The following COG6 variants were observed in gnomAD, a reference collection of about 807,000 sequenced individuals.
COG6 encodes the protein component of oligomeric golgi complex 6.
Under a neutral mutation model 88.8 loss-of-function variants are expected in COG6, and 74 were observed. The ratio of observed to expected loss-of-function variants is 0.83; its 90% CI spans 0.69 to 1.01. The LOEUF (loss-of-function observed/expected upper bound fraction) is 1.01. Ranked by LOEUF, COG6 falls within the 50% of genes least tolerant of loss-of-function variation. The probability of loss-of-function intolerance (pLI) is 0.00; values close to 1 mark genes in which losing one functional copy is unlikely to be tolerated. For synonymous variants in COG6, 286 were observed against 278.7 expected, an observed-to-expected ratio of 1.03 and a Z score of -0.26; for missense variants, 800 against 797.9, an observed-to-expected ratio of 1.00 and a Z score of -0.03.
chr13:39,757,251 C>T (rs1022926123), downstream of COG6, among the ~76,000 whole-genome samples: 3 of 151,936 alleles, frequency 2.0e-5, no homozygotes, highest in Admixed American at 6.6e-5. Context: ...GAAGAAATCA[C>T]GAAGGAAACT....
chr13:39,705,097 T>C (rs1250903502), intron 13 of COG6, among the ~76,000 whole-genome samples: 3 of 152,200 alleles, frequency 2.0e-5, no homozygotes, highest in Non-Finnish European at 4.4e-5. Flanking sequence ...CTAAAAACAC[T>C]GTAGCTTTAT....
chr13:39,690,663 T>C (rs1172387102), intron 11 of COG6, among the ~76,000 whole-genome samples: 4 of 151,996 alleles, frequency 2.6e-5, no homozygotes, highest in African/African-American at 9.7e-5. Context: ...ATTTTATTTC[T>C]AAGGTTTTTG....
At chr13:39,728,855 G>C (rs1374421268) in intron 18 of COG6, among the ~76,000 whole-genome samples, 2 of 151,906 alleles carry the variant, frequency 1.3e-5, no homozygotes, top group African/African-American at 2.4e-5. Flanking sequence ...AGTAGAGATG[G>C]GGTGTCACCA....
intron 18 of COG6, among the ~76,000 whole-genome samples, chr13:39,770,046 T>C (rs1261882278): frequency 2.0e-5 from 3 of 152,220 alleles, no homozygotes; most frequent in Non-Finnish European, 4.4e-5. Flanking sequence ...ACTCTTTACC[T>C]TATAGTACCA....
intron 18 of COG6, among the ~76,000 whole-genome samples, chr13:39,746,001 C>T (rs1365777995): frequency 2.0e-5 from 3 of 152,018 alleles, no homozygotes; most frequent in African/African-American, 7.3e-5. Flanking sequence ...CCAAACACCA[C>T]GTGTTCTCAC....
At chr13:39,704,012 G>T (rs1326912061) in intron 13 of COG6, among the ~76,000 whole-genome samples, 3 of 152,080 alleles carry the variant, frequency 2.0e-5, no homozygotes, top group African/African-American at 7.2e-5. Flanking sequence ...GGAATTACAG[G>T]TGTGAGCCAT....
chr13:39,733,788 A>G (rs933908869), intron 18 of COG6, among the ~76,000 whole-genome samples: 2 of 152,102 alleles, frequency 1.3e-5, no homozygotes, highest in African/African-American at 4.8e-5. Context: ...CTTTGCTGAG[A>G]CACTTTTTAT....
At chr13:39,765,351 T>A (rs1383470254) in intron 18 of COG6, among the ~76,000 whole-genome samples, 1 of 152,212 alleles carries the variant, frequency 6.6e-6, no homozygotes, top group African/African-American at 2.4e-5. Context: ...TGAGGCCCTA[T>A]TCATATTGTT....
intron 18 of COG6, among the ~76,000 whole-genome samples, chr13:39,742,645 A>G (rs1347404975): frequency 2.6e-5 from 4 of 152,152 alleles, no homozygotes; most frequent in Non-Finnish European, 5.9e-5. Flanking sequence ...ACTCCCACAC[A>G]ATAATAATGG....
intron 18 of COG6, 61 bp from the exon 19 acceptor site, chr13:39,750,885 A>G: frequency 7.5e-7 from 1 of 1,324,808 alleles, no homozygotes; most frequent in Non-Finnish European, 1.1e-6. Context: ...GCTGTCTTAC[A>G]ATTCTTAGTA....
Position 39,670,489 on chromosome 13 carries a change from T to C in COG6, c.428+5335T>C, listed in dbSNP as rs1040788665. On this transcript the variant is annotated intron_variant, in intron 4 of 18. Transcript: ENST00000455146. ...AAACCTTGGGTAAGAGATTATTAGA[T>C]TTTTGATTTTGTACAGTTATTTCTT... Among the ~76,000 whole-genome samples, 3 of 152,038 alleles carry C rather than the reference T, an allele frequency of 2.0e-5. No individual in the cohort carries two copies. The East Asian group carries it at 5.8e-4, about 29-fold the overall frequency.
intron 8 of COG6, among the ~76,000 whole-genome samples, chr13:39,682,682 A>G (rs1302890587): frequency 6.6e-6 from 1 of 152,172 alleles, no homozygotes; most frequent in Non-Finnish European, 1.5e-5. Flanking sequence ...TAATCTGTTA[A>G]TAGGATTTAG....
intron 8 of COG6, among the ~76,000 whole-genome samples, chr13:39,686,345 A>G (rs983584157): frequency 5.9e-5 from 9 of 152,188 alleles, no homozygotes; most frequent in Admixed American, 6.5e-5. Context: ...GGTGGTGATA[A>G]TGGAAAACAA....
intron 18 of COG6, among the ~76,000 whole-genome samples, chr13:39,760,625 A>G (rs573961746): frequency 6.6e-6 from 1 of 152,278 alleles, no homozygotes; most frequent in South Asian, 2.1e-4. Context: ...AATTTGCATT[A>G]ACCAAAAAAT....
chr13:39,781,245 G>T (rs1431391811), intron 18 of COG6, among the ~76,000 whole-genome samples: 4 of 152,152 alleles, frequency 2.6e-5, no homozygotes, highest in Non-Finnish European at 5.9e-5. Context: ...TAATACATGG[G>T]CGCTTATTAG....
chr13:39,748,630 A>T (rs1359941439), intron 18 of COG6, among the ~76,000 whole-genome samples: 4 of 152,078 alleles, frequency 2.6e-5, no homozygotes, highest in Non-Finnish European at 4.4e-5. Flanking sequence ...AAGAAAAAAA[A>T]AAAATCCCCA....
chr13:39,680,041 T>C lies in COG6; in HGVS notation c.690T>C (p.Ala230=). Residue 230 remains alanine, a synonymous_variant, in exon 7 of 19, where the codon GCT becomes GCC. Transcript: ENST00000455146. ...ETAYERLYRW[A]QSECRTLTQE... is the part of the protein sequence containing the mutation. ...CTTATGAAAGACTTTACCGATGGGC[T>C]CAAAGTAAGTGATTTCTTTTATGTT... 1 of 1,563,504 alleles carries C rather than the reference T, an allele frequency of 6.4e-7. No individual in the cohort carries two copies. The highest frequency in any genetic ancestry group is 8.8e-7 in the Non-Finnish European group (1 of 1,135,852).
At chr13:39,708,222 G>T (rs550016094) in intron 13 of COG6, among the ~76,000 whole-genome samples, 105 of 152,134 alleles carry the variant, frequency 6.9e-4, no homozygotes, top group African/African-American at 2.4e-3. Context: ...GTCCTTACTG[G>T]GTTGTTACCT....
chr13:39,747,455 A>G (rs1490416971), intron 18 of COG6, among the ~76,000 whole-genome samples: 1 of 152,002 alleles, frequency 6.6e-6, no homozygotes, highest in Non-Finnish European at 1.5e-5. Flanking sequence ...TCCTTCATTC[A>G]TGTAATACAT....
Sources: allele counts gnomAD v4.1 joint callset (sites outside exome capture counted in the v4.1 genomes callset), GRCh38; gene constraint gnomAD v4.1.1; transcripts MANE v1.5; gene names NCBI Gene and HGNC (gene_info 2026-07-23, HGNC 2026-07-21).